Variants in FGF14 observed in about 807,000 individuals in gnomAD.
FGF14 encodes the protein fibroblast growth factor 14.
A neutral mutation model predicts 25.5 loss-of-function variants in FGF14; 5 were observed. The observed-to-expected ratio is 0.20, with a 90% CI of 0.10 to 0.41. FGF14 has a LOEUF of 0.41. Among genes scored for constraint, FGF14 ranks in the 10% least tolerant of loss-of-function variants. The probability of loss-of-function intolerance (pLI) is 1.00; values close to 1 mark genes in which losing one functional copy is unlikely to be tolerated. For missense variants in FGF14, 222 were observed against 320.1 expected, an observed-to-expected ratio of 0.69 and a Z score of 2.34; for synonymous variants, 138 against 118.3, an observed-to-expected ratio of 1.17 and a Z score of -1.08.
chr13:102,310,976 G>A (rs979656568), intron 1 of FGF14, among the ~76,000 whole-genome samples: 4 of 151,844 alleles, frequency 2.6e-5, no homozygotes, highest in East Asian at 1.9e-4. Flanking sequence ...CACCAGCATC[G>A]CCTCTGTTAA....
chr13:101,720,608 T>TA lies in FGF14; in HGVS notation c.*2222dup, dbSNP rs1319421002. ...TGAAGTGAAGTGTTGCTGCTGTAAG[T>TA]AGTGTCCATAAGCCCATTTGACTGT... On this transcript the variant is annotated 3_prime_UTR_variant, in exon 5 of 5. Transcript: ENST00000376143. The TA allele has an allele frequency of 6.6e-6, 1 of 151,776 alleles. No homozygotes were observed. The highest frequency in any genetic ancestry group is 1.5e-5 in the Non-Finnish European group (1 of 67,948). 9.4% of individuals were successfully genotyped at this position (151,776 alleles called of 1,614,324 possible).
intron 3 of FGF14, among the ~76,000 whole-genome samples, chr13:101,738,770 T>C (rs1178359677): frequency 6.6e-6 from 1 of 152,020 alleles, no homozygotes; most frequent in Non-Finnish European, 1.5e-5. Context: ...TAATGAATTA[T>C]ATTGTCTTAC....
At chr13:102,081,242 TAA>T (rs1412815934) in intron 1 of FGF14, among the ~76,000 whole-genome samples, 1 of 152,244 alleles carries the variant, frequency 6.6e-6, no homozygotes, top group Non-Finnish European at 1.5e-5. Context: ...TTAAACCAAG[TAA>T]AAGAGAGAAT....
intron 1 of FGF14, among the ~76,000 whole-genome samples, chr13:102,240,187 T>C (rs894772702): frequency 2.0e-5 from 3 of 152,166 alleles, no homozygotes; most frequent in South Asian, 2.1e-4. Flanking sequence ...AGATAACATA[T>C]ATAACTCTCA....
At chr13:101,780,813 A>T (rs899418343) in intron 3 of FGF14, among the ~76,000 whole-genome samples, 5 of 152,094 alleles carry the variant, frequency 3.3e-5, no homozygotes, top group African/African-American at 1.2e-4. Context: ...AGGGGCACGG[A>T]GAAGCACAAT....
intron 3 of FGF14, among the ~76,000 whole-genome samples, chr13:101,865,862 A>C (rs551643551): frequency 8.5e-5 from 13 of 152,148 alleles, no homozygotes; most frequent in Non-Finnish European, 1.6e-4. Context: ...CTGCACAAAA[A>C]TTAAATTAAC....
At chr13:102,065,018 C>T (rs900930325) in intron 1 of FGF14, among the ~76,000 whole-genome samples, 4 of 151,922 alleles carry the variant, frequency 2.6e-5, no homozygotes, top group Non-Finnish European at 5.9e-5. Context: ...AATATAATGT[C>T]ACTCTCTTTT....
chr13:102,269,396 A>G (rs1370432937), intron 1 of FGF14, among the ~76,000 whole-genome samples: 1 of 152,198 alleles, frequency 6.6e-6, no homozygotes, highest in African/African-American at 2.4e-5. Flanking sequence ...GCTATTATAT[A>G]AAGAATGGTG....
chr13:101,956,364 T>C (rs1189291620), intron 1 of FGF14, among the ~76,000 whole-genome samples: 1 of 152,230 alleles, frequency 6.6e-6, no homozygotes, highest in Non-Finnish European at 1.5e-5. Context: ...GATTACACTA[T>C]CGTATTATAG....
intron 1 of FGF14, among the ~76,000 whole-genome samples, chr13:102,253,328 T>C (rs919355332): frequency 1.3e-5 from 2 of 152,158 alleles, no homozygotes; most frequent in Non-Finnish European, 2.9e-5. Context: ...CTCTCCAGCA[T>C]CTGTTGTTTC....
chr13:102,017,608 A>G (rs567151869), intron 1 of FGF14, among the ~76,000 whole-genome samples: 13 of 152,220 alleles, frequency 8.5e-5, no homozygotes, highest in Admixed American at 2.6e-4. Flanking sequence ...CTTTTCATCA[A>G]TCTTACTAGG....
chr13:102,121,242 G>A (rs1168494582), intron 1 of FGF14, among the ~76,000 whole-genome samples: 1 of 151,982 alleles, frequency 6.6e-6, no homozygotes, highest in Non-Finnish European at 1.5e-5. Flanking sequence ...ACTTCTCAGT[G>A]GTCAGGAATC....
intron 1 of FGF14, among the ~76,000 whole-genome samples, chr13:102,088,531 CAA>C (rs2044027570): frequency 6.6e-6 from 1 of 151,932 alleles, no homozygotes; most frequent in South Asian, 2.1e-4. Flanking sequence ...ATATTTAGGT[CAA>C]AAATACCACA....
intron 1 of FGF14, among the ~76,000 whole-genome samples, chr13:102,073,684 G>GC (rs1352158652): frequency 3.9e-5 from 6 of 152,028 alleles, no homozygotes; most frequent in Non-Finnish European, 7.4e-5. Flanking sequence ...ATGCTAACTG[G>GC]GAAAAAGCAA....
intron 3 of FGF14, among the ~76,000 whole-genome samples, chr13:101,790,786 T>C (rs2040191279): frequency 6.6e-6 from 1 of 152,288 alleles, no homozygotes; most frequent in African/African-American, 2.4e-5. Context: ...GTGATTTTGA[T>C]GCAACTTGAT....
chr13:102,199,265 T>A (rs1471417368), intron 1 of FGF14, among the ~76,000 whole-genome samples: 1 of 152,230 alleles, frequency 6.6e-6, no homozygotes, highest in Non-Finnish European at 1.5e-5. Flanking sequence ...GAGTTCGTCT[T>A]TCTTCTGAGG....
At chr13:101,762,531 T>A (rs977956849) in intron 3 of FGF14, among the ~76,000 whole-genome samples, 1 of 152,228 alleles carries the variant, frequency 6.6e-6, no homozygotes, top group African/African-American at 2.4e-5. Flanking sequence ...TATACTTAGG[T>A]AATACATATA....
chr13:101,739,018 A>C (rs1051516222), intron 3 of FGF14, among the ~76,000 whole-genome samples: 14 of 148,002 alleles, frequency 9.5e-5, no homozygotes, highest in African/African-American at 1.5e-4. Flanking sequence ...ATCTATCTAT[A>C]TATATATATA....
chr13:101,910,837 CGTGTGTGTGTGTGTGTGTGTGT>C lies in FGF14; in HGVS notation c.193+5594_193+5615del, dbSNP rs59758881. On this transcript the variant is annotated intron_variant, in intron 1 of 4. Transcript: ENST00000376143. ...AAATGGTCTCTTAGAGATTTGGATT[CGTGTGTGTGTGTGTGTGTGTGT>C]GTGTGTGTGTGTGTGTGTGTGTGTG... is the stretch of plus-strand genomic sequence containing the variant. Among the ~76,000 whole-genome samples, 484 of 129,322 alleles carry C rather than the reference CGTGTGTGTGTGTGTGTGTGTGT, an allele frequency of 3.7e-3. 3 individuals are homozygous for C. The highest frequency in any genetic ancestry group is 0.012 in the African/African-American group (431 of 36,008). 84.8% of individuals were successfully genotyped at this position (129,322 alleles called of 152,430 possible).
Sources: allele counts gnomAD v4.1 joint callset (sites outside exome capture counted in the v4.1 genomes callset), GRCh38; gene constraint gnomAD v4.1.1; transcripts MANE v1.5; gene names NCBI Gene and HGNC (gene_info 2026-07-23, HGNC 2026-07-21).